Variants in ACCSL observed in about 807,000 individuals in gnomAD.
The protein encoded by ACCSL is probable inactive 1-aminocyclopropane-1-carboxylate synthase-like protein 2.
Under a neutral mutation model 61.7 loss-of-function variants are expected in ACCSL, and 55 were observed. The ratio of observed to expected loss-of-function variants is 0.89; its 90% CI spans 0.72 to 1.12. ACCSL has a LOEUF of 1.12. ACCSL is among the 50% of genes most tolerant of loss of function. The pLI is 0.00. For synonymous variants in ACCSL, 258 were observed against 264.3 expected, an observed-to-expected ratio of 0.98 and a Z score of 0.23; for missense variants, 632 against 698.0, an observed-to-expected ratio of 0.91 and a Z score of 1.07.
the ACCSL span, among the ~76,000 whole-genome samples, chr11:43,937,265 C>T: frequency 1.2e-3 from 181 of 152,244 alleles, 4 homozygotes; most frequent in East Asian, 0.03. Flanking sequence ...GTGGGGAAGG[C>T]GGACAGTACA....
the ACCSL span, among the ~76,000 whole-genome samples, chr11:43,951,615 CCCCCCAAAGCAA>C: frequency 6.6e-6 from 1 of 152,142 alleles, no homozygotes; most frequent in African/African-American, 2.4e-5. Flanking sequence ...GATGGTTTGA[CCCCCCAAAGCAA>C]CCCCCAAAGA....
At chr11:44,038,949 A>G in the ACCSL span, among the ~76,000 whole-genome samples, 1 of 152,162 alleles carries the variant, frequency 6.6e-6, no homozygotes, top group East Asian at 1.9e-4. Flanking sequence ...AAGGATCTTG[A>G]GCACAGGAAA....
the ACCSL span, among the ~76,000 whole-genome samples, chr11:43,954,014 C>T: frequency 6.6e-6 from 1 of 152,024 alleles, no homozygotes; most frequent in Non-Finnish European, 1.5e-5. Flanking sequence ...TTGGGATGTG[C>T]AAGGTGACGG....
At chr11:43,949,852 C>CAACAAT in the ACCSL span, among the ~76,000 whole-genome samples, 1 of 151,930 alleles carries the variant, frequency 6.6e-6, no homozygotes, top group Non-Finnish European at 1.5e-5. Context: ...ACAACAACAA[C>CAACAAT]AACAAAACAT....
the ACCSL span, among the ~76,000 whole-genome samples, chr11:43,987,790 C>T: frequency 4.9e-4 from 75 of 152,196 alleles, no homozygotes; most frequent in Non-Finnish European, 9.1e-4. Flanking sequence ...ATCCAGCGCT[C>T]GGGGGGGTCA....
In ACCSL at chr11:44,056,032, T is replaced by C; in HGVS notation, c.1140-8T>C. ...TAACCTTAGTTAATTTTTCCACTTC[T>C]TCTTCAGTTTGCCTGATAGCAACAG... On this transcript the variant is annotated splice_region_variant and splice_polypyrimidine_tract_variant and intron_variant, in intron 9 of 13. Coordinates refer to ENST00000378832, the MANE Select transcript of ACCSL (RefSeq NM_001031854.2). 6.2e-7 allele frequency: 1 copy of C among 1,614,204 alleles called. No individual in the cohort carries two copies. Among genetic ancestry groups the C allele is most frequent in the South Asian group, 1.1e-5 (1 of 91,088 alleles).
the ACCSL span, among the ~76,000 whole-genome samples, chr11:43,952,466 C>T: frequency 0.055 from 8,419 of 152,306 alleles, 361 homozygotes; most frequent in East Asian, 0.11. Context: ...GTGCTGCACC[C>T]TGGGTCTGGT....
At chr11:43,988,702 G>A in the ACCSL span, among the ~76,000 whole-genome samples, 1 of 151,850 alleles carries the variant, frequency 6.6e-6, no homozygotes, top group Non-Finnish European at 1.5e-5. Flanking sequence ...TCCACACAGG[G>A]TTTAGGAAGA....
the ACCSL span, among the ~76,000 whole-genome samples, chr11:43,964,687 A>C: frequency 6.6e-6 from 1 of 152,166 alleles, no homozygotes; most frequent in Non-Finnish European, 1.5e-5. Flanking sequence ...TAGATACAAA[A>C]ATCCTCAAGA....
intron 11 of ACCSL, among the ~76,000 whole-genome samples, chr11:44,056,566 C>T (rs1185421551): frequency 6.6e-6 from 1 of 152,214 alleles, no homozygotes; most frequent in Non-Finnish European, 1.5e-5. Flanking sequence ...GGCATGGTGG[C>T]TCACGCCTGT....
chr11:44,032,369 G>A, the ACCSL span, among the ~76,000 whole-genome samples: 94 of 152,236 alleles, frequency 6.2e-4, no homozygotes, highest in African/African-American at 2.2e-3. Flanking sequence ...TTCATGTCTC[G>A]CTGACTGAAG....
At chr11:43,944,158 G>A in the ACCSL span, 1 of 320,098 alleles carries the variant, frequency 3.1e-6, no homozygotes, top group East Asian at 8.7e-5. Flanking sequence ...AGGAGGGGCG[G>A]AGGCAGAGCT....
At chr11:43,937,796 T>TAGTTTAACAAGTC in the ACCSL span, among the ~76,000 whole-genome samples, 2 of 152,068 alleles carry the variant, frequency 1.3e-5, no homozygotes, top group Non-Finnish European at 2.9e-5. Flanking sequence ...GACCCCAAGT[T>TAGTTTAACAAGTC]AGAGTAGTTT....
At chr11:43,955,699 G>T in the ACCSL span, among the ~76,000 whole-genome samples, 1 of 152,008 alleles carries the variant, frequency 6.6e-6, no homozygotes, top group Admixed American at 6.6e-5. Flanking sequence ...CATCTCAAAA[G>T]GCCAATCTTT....
chr11:43,924,992 C>A, the ACCSL span: 1 of 170,724 alleles, frequency 5.9e-6, no homozygotes, highest in South Asian at 1.5e-4. Flanking sequence ...AGGGACTAGC[C>A]ACCAGTTTCT....
At chr11:44,024,259 C>G in the ACCSL span, among the ~76,000 whole-genome samples, 1 of 152,194 alleles carries the variant, frequency 6.6e-6, no homozygotes. Context: ...ATATACATCA[C>G]TGGCTCCCTT....
chr11:43,938,649 A>T, the ACCSL span, among the ~76,000 whole-genome samples: 3 of 152,036 alleles, frequency 2.0e-5, no homozygotes, highest in South Asian at 4.2e-4. Flanking sequence ...ACAAAAATAC[A>T]AAAATTAGCA....
the ACCSL span, among the ~76,000 whole-genome samples, chr11:44,013,773 A>AAAAACAAAAAAACG: frequency 6.6e-6 from 1 of 152,216 alleles, no homozygotes; most frequent in Non-Finnish European, 1.5e-5. Context: ...ACAAAAAAAC[A>AAAAACAAAAAAACG]GGACTGCTTG....
chr11:44,030,604 GT>G, the ACCSL span, among the ~76,000 whole-genome samples: 1 of 152,006 alleles, frequency 6.6e-6, no homozygotes, highest in Non-Finnish European at 1.5e-5. Flanking sequence ...ATTTTTGTGT[GT>G]CCCTTGCTAA....
Sources: allele counts gnomAD v4.1 joint callset (sites outside exome capture counted in the v4.1 genomes callset), GRCh38; gene constraint gnomAD v4.1.1; transcripts MANE v1.5; gene names NCBI Gene and HGNC (gene_info 2026-07-23, HGNC 2026-07-21).